Variants in COL19A1 observed in about 807,000 individuals in gnomAD.
COL19A1 encodes collagen type XIX alpha 1 chain, also known as collagen alpha-1(XIX) chain.
In COL19A1, 159 loss-of-function variants were observed where a neutral mutation model predicts 190.2. The observed-to-expected ratio is 0.84, with a 90% CI of 0.73 to 0.95. COL19A1 has a LOEUF of 0.95. Ranked by LOEUF, COL19A1 falls within the 40% of genes least tolerant of loss-of-function variation. COL19A1 has a pLI of 0.00. For missense variants in COL19A1, 1,418 were observed against 1,431.9 expected (o/e 0.99, Z 0.16); for synonymous variants, 509 against 458.9 (o/e 1.11, Z -1.39).
At chr6:70,007,760 A>G (rs1777725701) in intron 11 of COL19A1, among the ~76,000 whole-genome samples, 2 of 152,000 alleles carry the variant, frequency 1.3e-5, no homozygotes, top group South Asian at 4.1e-4. Context: ...CCACCCAACA[A>G]TAATAAAATA....
At chr6:69,925,887 T>G (rs2150008113) in intron 4 of COL19A1, among the ~76,000 whole-genome samples, 1 of 152,300 alleles carries the variant, frequency 6.6e-6, no homozygotes, top group African/African-American at 2.4e-5. Flanking sequence ...GCTCTCTGTT[T>G]GTTTGTTATT....
chr6:69,891,080 G>T, intron 2 of COL19A1: 1 of 292,108 alleles, frequency 3.4e-6, no homozygotes, highest in South Asian at 3.7e-5. Context: ...GGCAAGAACA[G>T]ACAAACCCAT....
intron 2 of COL19A1, among the ~76,000 whole-genome samples, chr6:69,888,173 G>T (rs1222406974): frequency 6.6e-6 from 1 of 152,148 alleles, no homozygotes; most frequent in Non-Finnish European, 1.5e-5. Context: ...TTTAGAGTTT[G>T]ATGGCCTGAA....
At chr6:70,062,237 T>G (rs1429471725) in intron 14 of COL19A1, among the ~76,000 whole-genome samples, 1 of 152,118 alleles carries the variant, frequency 6.6e-6, no homozygotes, top group African/African-American at 2.4e-5. Context: ...TTTTTTGTAC[T>G]AACACTTTAA....
intron 48 of COL19A1, among the ~76,000 whole-genome samples, chr6:70,198,857 C>A (rs562036193): frequency 1.2e-4 from 19 of 152,204 alleles, no homozygotes; most frequent in African/African-American, 4.3e-4. Flanking sequence ...AAGTTGCAGT[C>A]AGGATGTCAT....
intron 10 of COL19A1, among the ~76,000 whole-genome samples, chr6:69,961,090 A>G (rs1398743036): frequency 6.6e-6 from 1 of 152,150 alleles, no homozygotes; most frequent in Non-Finnish European, 1.5e-5. Flanking sequence ...CGCAGGAGAG[A>G]GCATTATTGA....
chr6:70,206,968 T>C lies in COL19A1; in HGVS notation c.3291T>C (p.Pro1097=), dbSNP rs766836582. The C allele has an allele frequency of 6.2e-7, 1 of 1,613,784 alleles. No individual in the cohort carries two copies. The highest frequency in any genetic ancestry group is 8.5e-7 in the Non-Finnish European group (1 of 1,179,856). ...GGCTGCCAGGGAGTCCAGGTCTTCC[T>C]GGGACTTCAGGTAAGTGGGATATTG... ...GIGLPGSPGL[P]GTSALGLPGS... The change falls in exon 50 of 51, where the codon CCT becomes CCC. Residue 1097 remains proline (P), a synonymous_variant. Coordinates refer to ENST00000620364, the MANE Select transcript of COL19A1 (RefSeq NM_001858.6).
At chr6:69,928,141 C>A in intron 5 of COL19A1, 109 bp downstream of exon 5, 2 of 1,430,492 alleles carry the variant, frequency 1.4e-6, no homozygotes, top group Non-Finnish European at 1.9e-6. Flanking sequence ...TCCAAATGTT[C>A]TATCCTTTAG....
intron 9 of COL19A1, among the ~76,000 whole-genome samples, chr6:69,944,308 G>A (rs1415552300): frequency 6.6e-6 from 1 of 152,090 alleles, no homozygotes; most frequent in Non-Finnish European, 1.5e-5. Flanking sequence ...GTTGGAAAAT[G>A]AGTTCTGTGA....
intron 4 of COL19A1, among the ~76,000 whole-genome samples, chr6:69,903,394 A>T (rs1770313717): frequency 6.6e-6 from 1 of 152,084 alleles, no homozygotes; most frequent in African/African-American, 2.4e-5. Flanking sequence ...TACTCAGCAT[A>T]CTTCACTGCT....
chr6:69,889,259 A>G (rs1769160432), intron 2 of COL19A1, among the ~76,000 whole-genome samples: 1 of 152,240 alleles, frequency 6.6e-6, no homozygotes, highest in Non-Finnish European at 1.5e-5. Context: ...TCGTGACTTT[A>G]CATGCAATAA....
intron 15 of COL19A1, among the ~76,000 whole-genome samples, chr6:70,070,252 GTAGAT>G (rs1299696354): frequency 2.0e-5 from 3 of 152,146 alleles, no homozygotes; most frequent in South Asian, 2.1e-4. Flanking sequence ...TCATAAGAAA[GTAGAT>G]TAAAGAATAA....
chr6:69,985,567 GA>G (rs889157643), intron 11 of COL19A1, among the ~76,000 whole-genome samples: 2 of 150,628 alleles, frequency 1.3e-5, no homozygotes, highest in East Asian at 1.9e-4. Flanking sequence ...TAGGACTTCT[GA>G]AAAAAAAAGT....
chr6:70,172,303 A>G (rs1765545444), intron 41 of COL19A1, among the ~76,000 whole-genome samples: 3 of 152,176 alleles, frequency 2.0e-5, no homozygotes, highest in Admixed American at 6.5e-5. Context: ...TATCTGAGCA[A>G]AGACCTGAAG....
At position 70,022,601 on chromosome 6, in the gene COL19A1, A is replaced by T. The variant is rs573368367; in HGVS notation, c.1027-1026A>T. Among the ~76,000 whole-genome samples the T allele has an allele frequency of 7.9e-5, 12 of 152,298 alleles. No homozygotes were observed. The East Asian group carries it at 2.3e-3, about 29-fold the overall frequency. On this transcript the variant is annotated intron_variant, in intron 11 of 50. Transcript: ENST00000620364. ...TTTCAGGTGGCAAGAAAACAAAATT[A>T]TATGTCACTATGAGTATGTATCATC...
chr6:70,119,176 C>T (rs79229492), intron 16 of COL19A1, among the ~76,000 whole-genome samples: 1 of 152,284 alleles, frequency 6.6e-6, no homozygotes, highest in Non-Finnish European at 1.5e-5. Flanking sequence ...CTCAGACCAC[C>T]TGCTCTCCCA....
At chr6:69,968,322 T>C (rs759781140) in intron 11 of COL19A1, among the ~76,000 whole-genome samples, 3 of 152,214 alleles carry the variant, frequency 2.0e-5, no homozygotes, top group Non-Finnish European at 2.9e-5. Context: ...TGTTGCTTTT[T>C]TGTTTTCAGC....
intron 4 of COL19A1, among the ~76,000 whole-genome samples, chr6:69,924,233 C>T (rs1289017293): frequency 6.6e-5 from 10 of 152,064 alleles, no homozygotes; most frequent in African/African-American, 2.4e-4. Flanking sequence ...GGTACATCTC[C>T]TAATGCTATC....
At chr6:69,945,089 T>C (rs1368107570) in intron 9 of COL19A1, among the ~76,000 whole-genome samples, 2 of 151,892 alleles carry the variant, frequency 1.3e-5, no homozygotes, top group African/African-American at 4.8e-5. Flanking sequence ...TTTTATAAAA[T>C]ATTAGCTCAA....
Sources: gnomAD v4.1 joint callset for allele counts (sites outside exome capture counted in the v4.1 genomes callset) on GRCh38, gnomAD v4.1.1 for gene constraint, MANE v1.5 for transcripts, NCBI Gene and HGNC (gene_info 2026-07-23, HGNC 2026-07-21) for gene names.